Variants in PRKCA observed in about 807,000 individuals in gnomAD.
PRKCA encodes protein kinase C alpha type.
In PRKCA, 27 loss-of-function variants were observed where a neutral mutation model predicts 87.0. The ratio of observed to expected loss-of-function variants is 0.31; its 90% CI spans 0.23 to 0.43. PRKCA has a LOEUF of 0.43. Among genes scored for constraint, PRKCA ranks in the 20% least tolerant of loss-of-function variants. PRKCA has a pLI of 1.00. For missense variants in PRKCA, 518 were observed against 852.3 expected, an observed-to-expected ratio of 0.61 and a Z score of 4.88; for synonymous variants, 329 against 311.1, an observed-to-expected ratio of 1.06 and a Z score of -0.61.
intron 8 of PRKCA, among the ~76,000 whole-genome samples, chr17:66,711,857 A>G (rs1215547320): frequency 1.3e-5 from 2 of 152,170 alleles, no homozygotes; most frequent in Admixed American, 6.5e-5. Flanking sequence ...CACCCTGCAG[A>G]TGTGCCTGTT....
chr17:66,513,634 C>T (rs1966877493), intron 3 of PRKCA, among the ~76,000 whole-genome samples: 1 of 152,096 alleles, frequency 6.6e-6, no homozygotes. Context: ...TTGTCCTCTG[C>T]AGTCATTAAT....
At chr17:66,536,501 A>G (rs1202734050) in intron 3 of PRKCA, among the ~76,000 whole-genome samples, 2 of 152,242 alleles carry the variant, frequency 1.3e-5, no homozygotes, top group Non-Finnish European at 2.9e-5. Context: ...AAATATTAGA[A>G]TAGCATAAAT....
intron 2 of PRKCA, among the ~76,000 whole-genome samples, chr17:66,402,160 A>G (rs1911069717): frequency 6.6e-6 from 1 of 152,344 alleles, no homozygotes; most frequent in Non-Finnish European, 1.5e-5. Flanking sequence ...CTTCAGATGT[A>G]GCAAAAGAGG....
rs185185840 is a variant in PRKCA, at chr17:66,731,840, A to G, written c.919-848A>G. 3.2e-3 allele frequency among the ~76,000 whole-genome samples: 403 copies of G among 125,240 alleles called. 7 individuals are homozygous for G. The highest frequency in any genetic ancestry group is 0.012 in the African/African-American group (382 of 32,892). 82.2% of individuals were successfully genotyped at this position (125,240 alleles called of 152,430 possible). A position where few individuals can be genotyped will look rare whatever the true frequency, so the allele number is the denominator to read the frequency against. ...TGCTCTGTCGCCAGGCTGGAGTGCA[A>G]TGGCGCGATCTCAGCTCACTGCAAC... On this transcript the variant is annotated intron_variant, in intron 8 of 16. Transcript: ENST00000413366.
chr17:66,571,079 C>T (rs556945914), intron 3 of PRKCA, among the ~76,000 whole-genome samples: 115 of 152,262 alleles, frequency 7.6e-4, no homozygotes, highest in Middle Eastern at 3.4e-3. Flanking sequence ...GGGTTCTAAT[C>T]GTGTTTACAT....
chr17:66,333,378 A>G (rs1906468833), intron 2 of PRKCA, among the ~76,000 whole-genome samples: 1 of 152,200 alleles, frequency 6.6e-6, no homozygotes, highest in Admixed American at 6.5e-5. Context: ...TTGTTATAGC[A>G]TGAATGATCA....
intron 2 of PRKCA, among the ~76,000 whole-genome samples, chr17:66,418,094 G>A (rs769053395): frequency 1.3e-5 from 2 of 152,124 alleles, no homozygotes; most frequent in Non-Finnish European, 2.9e-5. Flanking sequence ...ACTGTCTTCT[G>A]TTGAAGCTGT....
chr17:66,502,424 G>A (rs56392333), intron 3 of PRKCA, among the ~76,000 whole-genome samples: 6,500 of 151,978 alleles, frequency 0.043, 434 homozygotes, highest in African/African-American at 0.15. Flanking sequence ...TAGTAGAGAC[G>A]GAGTTTCACC....
At chr17:66,553,758 T>C (rs1386767231) in intron 3 of PRKCA, among the ~76,000 whole-genome samples, 1 of 152,200 alleles carries the variant, frequency 6.6e-6, no homozygotes, top group Non-Finnish European at 1.5e-5. Flanking sequence ...GTGGATCCTT[T>C]CATTTTTCAG....
intron 2 of PRKCA, among the ~76,000 whole-genome samples, chr17:66,327,850 C>T (rs566357408): frequency 6.6e-6 from 1 of 152,252 alleles, no homozygotes; most frequent in East Asian, 1.9e-4. Flanking sequence ...TATCTGCCAG[C>T]CACGGTGCCT....
intron 12 of PRKCA, 114 bp from the exon 13 acceptor site, chr17:66,742,508 G>T (rs563954376): frequency 3.1e-4 from 342 of 1,109,228 alleles, no homozygotes; most frequent in Non-Finnish European, 4.4e-4. Context: ...GGGACTTATA[G>T]TTAATATTGC....
chr17:66,318,877 G>T (rs1905477712), intron 2 of PRKCA, among the ~76,000 whole-genome samples: 1 of 151,918 alleles, frequency 6.6e-6, no homozygotes, highest in Non-Finnish European at 1.5e-5. Flanking sequence ...ACTTGCCGTG[G>T]TGGCTGGCCT....
In PRKCA at chr17:66,565,239, G is replaced by A. The variant is rs759062065; in HGVS notation, c.288+68956G>A. On this transcript the variant is annotated intron_variant, in intron 3 of 16. Coordinates refer to ENST00000413366, the MANE Select transcript of PRKCA (RefSeq NM_002737.3). Reference sequence around the variant, plus strand: ...TCAGGAAGTGATTCCCACTCAGCCCGCATCCCTTCCTGGAGCACTGCAGTT... The same window carrying A: ...TCAGGAAGTGATTCCCACTCAGCCCACATCCCTTCCTGGAGCACTGCAGTT... 1.3e-5 allele frequency among the ~76,000 whole-genome samples: 2 copies of A among 152,158 alleles called. 1 individual carries two copies. Among genetic ancestry groups the A allele is most frequent in the East Asian group, 3.9e-4 (2 of 5,194 alleles).
chr17:66,385,056 A>G (rs760013726), intron 2 of PRKCA, among the ~76,000 whole-genome samples: 6 of 152,040 alleles, frequency 3.9e-5, no homozygotes, highest in Admixed American at 6.6e-5. Context: ...TTATGTAGCA[A>G]TTTTGCTTTA....
chr17:66,467,556 G>A (rs983169390), intron 2 of PRKCA, among the ~76,000 whole-genome samples: 5 of 152,036 alleles, frequency 3.3e-5, no homozygotes, highest in Admixed American at 6.6e-5. Flanking sequence ...ATGAAATTTT[G>A]TTTGTACATT....
chr17:66,673,488 A>C (rs910106907), intron 5 of PRKCA, among the ~76,000 whole-genome samples: 4 of 152,202 alleles, frequency 2.6e-5, no homozygotes, highest in African/African-American at 9.7e-5. Flanking sequence ...GATCAGGTGT[A>C]TTTTTAGTGT....
intron 13 of PRKCA, among the ~76,000 whole-genome samples, chr17:66,759,935 A>G (rs1374835553): frequency 2.6e-5 from 4 of 152,224 alleles, no homozygotes; most frequent in African/African-American, 7.2e-5. Flanking sequence ...ACGGCCAAAC[A>G]TGATAGAACT....
intron 5 of PRKCA, among the ~76,000 whole-genome samples, chr17:66,650,882 T>C (rs1175985059): frequency 6.6e-6 from 1 of 152,252 alleles, no homozygotes; most frequent in Non-Finnish European, 1.5e-5. Context: ...CTTCACCCAT[T>C]GATCATACAT....
At chr17:66,594,402 G>A (rs1969909236) in intron 3 of PRKCA, among the ~76,000 whole-genome samples, 1 of 152,136 alleles carries the variant, frequency 6.6e-6, no homozygotes, top group South Asian at 2.1e-4. Context: ...AACGAACAAA[G>A]CTGTAGATTA....
Sources: allele counts gnomAD v4.1 joint callset (sites outside exome capture counted in the v4.1 genomes callset), GRCh38; gene constraint gnomAD v4.1.1; transcripts MANE v1.5; gene names NCBI Gene and HGNC (gene_info 2026-07-23, HGNC 2026-07-21).